OSBPL8: variants seen among roughly 807,000 people sequenced by gnomAD.
The protein encoded by OSBPL8 is oxysterol binding protein like 8.
OSBPL8 carries 59 observed loss-of-function variants against 125.5 expected under a neutral mutation model. The ratio of observed to expected loss-of-function variants is 0.47; its 90% CI spans 0.38 to 0.58. OSBPL8 has a LOEUF of 0.58. Among genes scored for constraint, OSBPL8 ranks in the 20% least tolerant of loss-of-function variants. The pLI, the probability that OSBPL8 is intolerant of heterozygous loss-of-function variation, is 0.00. For missense variants in OSBPL8, 758 were observed against 1,047.8 expected, an observed-to-expected ratio of 0.72 and a Z score of 3.82; for synonymous variants, 330 against 338.9, an observed-to-expected ratio of 0.97 and a Z score of 0.29.
At chr12:76,384,406 A>T in intron 14 of OSBPL8, 56 bp from the exon 15 acceptor site, 3 of 987,492 alleles carry the variant, frequency 3.0e-6, no homozygotes, top group Non-Finnish European at 4.3e-6. Flanking sequence ...GTTTATATAA[A>T]ATATAAAAAG....
intron 1 of OSBPL8, among the ~76,000 whole-genome samples, chr12:76,529,956 A>G (rs1164430192): frequency 6.6e-6 from 1 of 152,240 alleles, no homozygotes; most frequent in African/African-American, 2.4e-5. Context: ...ACTAAGGCTC[A>G]GAGTAGTGAA....
chr12:76,465,206 C>G (rs1875260736), intron 2 of OSBPL8, among the ~76,000 whole-genome samples: 1 of 152,148 alleles, frequency 6.6e-6, no homozygotes, highest in Non-Finnish European at 1.5e-5. Context: ...CCTAATCGCA[C>G]ATTTGATCCA....
At chr12:76,473,932 T>C (rs1876489881) in intron 2 of OSBPL8, among the ~76,000 whole-genome samples, 2 of 152,230 alleles carry the variant, frequency 1.3e-5, no homozygotes, top group Admixed American at 6.5e-5. Flanking sequence ...AATGAGTTTA[T>C]GGGCAAGGCA....
chr12:76,481,457 G>A (rs774978803), intron 2 of OSBPL8, among the ~76,000 whole-genome samples: 18 of 151,806 alleles, frequency 1.2e-4, no homozygotes, highest in East Asian at 1.9e-4. Context: ...AAGACCCTGC[G>A]TCTATTAAAA....
chr12:76,485,142 C>T (rs894881318), intron 2 of OSBPL8, among the ~76,000 whole-genome samples: 2 of 151,880 alleles, frequency 1.3e-5, no homozygotes, highest in African/African-American at 2.4e-5. Context: ...AGGCTGGTCT[C>T]GAGCTCCTGA....
intron 12 of OSBPL8, among the ~76,000 whole-genome samples, chr12:76,387,168 A>T (rs2136277171): frequency 6.6e-6 from 1 of 152,272 alleles, no homozygotes; most frequent in East Asian, 1.9e-4. Flanking sequence ...ATGTTAGAGG[A>T]GATCAATGGT....
chr12:76,510,244 T>C (rs905203582), intron 1 of OSBPL8, among the ~76,000 whole-genome samples: 2 of 152,174 alleles, frequency 1.3e-5, no homozygotes, highest in African/African-American at 2.4e-5. Flanking sequence ...TATATGTATA[T>C]ACCAATCATC....
chr12:76,425,889 G>A (rs186790883), intron 4 of OSBPL8, among the ~76,000 whole-genome samples: 21 of 152,198 alleles, frequency 1.4e-4, no homozygotes, highest in East Asian at 7.7e-4. Context: ...TTATCTTGCC[G>A]AATGCTTTCT....
chr12:76,492,265 TAAG>T (rs1012652574), intron 1 of OSBPL8, among the ~76,000 whole-genome samples: 4 of 152,134 alleles, frequency 2.6e-5, no homozygotes, highest in South Asian at 4.2e-4. Flanking sequence ...AGTCTGCAGG[TAAG>T]AAGAAGCTGC....
At position 76,495,713 on chromosome 12, in the gene OSBPL8, ATTAAAATG is replaced by A. The variant is rs374556189; in HGVS notation, c.-67-8103_-67-8096del. ...ATTTACATATTACTCTTCCATCACC[ATTAAAATG>A]TCCAATAATTTAGTTATGACATCAC... On this transcript the variant is annotated intron_variant, in intron 1 of 23. Transcript: ENST00000261183. 2.9e-3 allele frequency among the ~76,000 whole-genome samples: 438 copies of A among 152,310 alleles called. 1 individual carries two copies. The highest frequency in any genetic ancestry group is 0.01 in the African/African-American group (421 of 41,568).
intron 10 of OSBPL8, among the ~76,000 whole-genome samples, chr12:76,391,407 A>G (rs1953550267): frequency 6.6e-6 from 1 of 152,172 alleles, no homozygotes; most frequent in Non-Finnish European, 1.5e-5. Flanking sequence ...CTCTATCAGT[A>G]GCCCACCCCA....
intron 2 of OSBPL8, among the ~76,000 whole-genome samples, chr12:76,463,181 G>C (rs1361697728): frequency 1.3e-5 from 2 of 152,176 alleles, no homozygotes; most frequent in East Asian, 1.9e-4. Context: ...GTGGACCAAA[G>C]TGTTAGCAGT....
At chr12:76,381,495 T>A (rs1953049764) in intron 15 of OSBPL8, among the ~76,000 whole-genome samples, 2 of 152,206 alleles carry the variant, frequency 1.3e-5, no homozygotes, top group Admixed American at 6.5e-5. Flanking sequence ...CAAATTTCTA[T>A]CTCTTTTAAT....
intron 16 of OSBPL8, among the ~76,000 whole-genome samples, chr12:76,377,211 T>C (rs765009767): frequency 2.6e-5 from 4 of 152,222 alleles, no homozygotes; most frequent in Admixed American, 6.5e-5. Flanking sequence ...GTCTTTGCTA[T>C]TGTGAATAGT....
chr12:76,450,937 C>G lies in OSBPL8; in HGVS notation c.131G>C (p.Ser44Thr), dbSNP rs1314099769. Reference protein sequence around the residue: ...ESQLLTPGKMSQRQGKEAYPT... With the variant: ...ESQLLTPGKMTQRQGKEAYPT... ...ATAAGCTTCTTTTCCTTGGCGCTGA[C>G]TCATCTTTCCTGGTGTCAGAAGCTG... Residue 44 changes from serine to threonine, a missense_variant, in exon 4 of 24, where the codon AGT becomes ACT. Transcript: ENST00000261183. 6.2e-7 allele frequency: 1 copy of G among 1,613,842 alleles called. No individual in the cohort carries two copies. The highest frequency in any genetic ancestry group is 8.5e-7 in the Non-Finnish European group (1 of 1,179,936).
chr12:76,419,478 G>A (rs1869193784), intron 4 of OSBPL8, among the ~76,000 whole-genome samples: 1 of 152,042 alleles, frequency 6.6e-6, no homozygotes, highest in Non-Finnish European at 1.5e-5. Flanking sequence ...TAAGCTATGG[G>A]GTCAGACTAT....
Position 76,355,726 on chromosome 12 carries a change from G to C in OSBPL8, c.*163C>G. 1.5e-6 allele frequency: 1 copy of C among 662,284 alleles called. No homozygotes were observed. The highest frequency in any genetic ancestry group is 3.3e-5 in the Admixed American group (1 of 29,932). 41.0% of individuals were successfully genotyped at this position (662,284 alleles called of 1,614,324 possible). A position where few individuals can be genotyped will look rare whatever the true frequency, so the allele number is the denominator to read the frequency against. ...ATCAAATAGGATAGCTCTTGTTTCA[G>C]TGTGAAGATAAAAGATACGAAAAGT... is the stretch of plus-strand genomic sequence containing the variant. On this transcript the variant is annotated 3_prime_UTR_variant, in exon 24 of 24. Transcript: ENST00000261183.
At chr12:76,407,539 C>T (rs1454786311) in intron 5 of OSBPL8, among the ~76,000 whole-genome samples, 1 of 152,178 alleles carries the variant, frequency 6.6e-6, no homozygotes, top group Non-Finnish European at 1.5e-5. Context: ...TGAAACATTG[C>T]ACCCAGCAGA....
intron 15 of OSBPL8, among the ~76,000 whole-genome samples, chr12:76,379,556 C>A (rs1952958596): frequency 6.6e-6 from 1 of 152,172 alleles, no homozygotes; most frequent in Non-Finnish European, 1.5e-5. Context: ...CCCAGGACAC[C>A]AATGGTGCAT....
Sources: allele counts gnomAD v4.1 joint callset (sites outside exome capture counted in the v4.1 genomes callset), GRCh38; gene constraint gnomAD v4.1.1; transcripts MANE v1.5; gene names NCBI Gene and HGNC (gene_info 2026-07-23, HGNC 2026-07-21).